The following CD8A variants were observed in gnomAD, a reference collection of about 807,000 sequenced individuals.
CD8A encodes CD8 subunit alpha.
In CD8A, 25 loss-of-function variants were observed where a neutral mutation model predicts 24.2. The ratio of observed to expected loss-of-function variants is 1.03; its 90% CI spans 0.75 to 1.44. The LOEUF is 1.44. Ranked by LOEUF, CD8A falls within the 40% of genes most tolerant of loss-of-function variation. The pLI, the probability that CD8A is intolerant of heterozygous loss-of-function variation, is 0.00. For missense variants in CD8A, 360 were observed against 319.7 expected, an observed-to-expected ratio of 1.13 and a Z score of -0.96; for synonymous variants, 165 against 149.9, an observed-to-expected ratio of 1.10 and a Z score of -0.74.
intron 4 of CD8A, among the ~76,000 whole-genome samples, chr2:86,788,811 C>T (rs1226381388): frequency 6.6e-6 from 1 of 152,138 alleles, no homozygotes; most frequent in African/African-American, 2.4e-5. Context: ...CTTATCCATC[C>T]TTCGTCTCAA....
In CD8A at chr2:86,801,289, CCCTT is replaced by C. The variant is rs200910826; in HGVS notation, c.-271+218_-271+221del. Among the ~76,000 whole-genome samples the C allele has an allele frequency of 4.4e-3, 658 of 150,764 alleles. 4 individuals are homozygous for C. Among genetic ancestry groups the C allele is most frequent in the African/African-American group, 0.015 (610 of 41,188 alleles). ...TGTCTCCCTCCCTCCCTGCCTCCCT[CCCTT>C]CCTTCCTTCCTTCCCTCCTTCCCGC... On this transcript the variant is annotated intron_variant, in intron 3 of 8. Coordinates refer to the CD8A transcript ENST00000409511.
Position 86,785,867 on chromosome 2 carries a change from C to T in CD8A, c.*53G>A, listed in dbSNP as rs1672977523. On this transcript the variant is annotated 3_prime_UTR_variant, in exon 6 of 6. Coordinates refer to ENST00000283635, the MANE Select transcript of CD8A (RefSeq NM_001768.7). ...AAAAAATGAAAGGGAAGGACTTGCT[C>T]CCTCAAAAGGAAGGATCTCAGTTTG... 7.8e-7 allele frequency: 1 copy of T among 1,281,948 alleles called. No homozygotes were observed. The highest frequency in any genetic ancestry group is 1.2e-5 in the South Asian group (1 of 84,524). 79.4% of individuals were successfully genotyped at this position (1,281,948 alleles called of 1,614,324 possible).
chr2:86,798,148 C>T (rs1240265813), intron 3 of CD8A, among the ~76,000 whole-genome samples: 1 of 151,408 alleles, frequency 6.6e-6, no homozygotes, highest in Non-Finnish European at 1.5e-5. Flanking sequence ...TGAAGTCTAC[C>T]TTTTATTCAT....
intron 1 of CD8A, 41 bp from the exon 2 acceptor site, chr2:86,790,722 G>GGC: frequency 3.4e-5 from 51 of 1,487,396 alleles, no homozygotes; most frequent in Non-Finnish European, 4.2e-5. Context: ...GCAGTCCCGC[G>GGC]CCCCCCGCCC....
chr2:86,802,774 C>T (rs1239117187), intron 2 of CD8A, among the ~76,000 whole-genome samples: 1 of 152,014 alleles, frequency 6.6e-6, no homozygotes, highest in African/African-American at 2.4e-5. Context: ...CCACACCCGA[C>T]TAATTTTTGT....
Position 86,798,394 on chromosome 2 carries a change from C to T in CD8A, c.-271+3117G>A, listed in dbSNP as rs1472311896. On this transcript the variant is annotated intron_variant, in intron 3 of 8. Coordinates refer to the CD8A transcript ENST00000409511. ...TTCTCCATGTTGGTCAGGCTGGTCT[C>T]GAACTCCCAACCTCAGGTGATCCAC... Among the ~76,000 whole-genome samples, 7 of 152,204 alleles carry T rather than the reference C, an allele frequency of 4.6e-5. No homozygotes were observed. The East Asian group carries it at 7.7e-4, about 17-fold the overall frequency.
chr2:86,789,694 A>G lies in CD8A; in HGVS notation c.460T>C (p.Ser154Pro). 1 of 1,408,872 alleles carries G rather than the reference A, an allele frequency of 7.1e-7. No homozygotes were observed. The highest frequency in any genetic ancestry group is 9.2e-7 in the Non-Finnish European group (1 of 1,086,804). 87.3% of individuals were successfully genotyped at this position (1,408,872 alleles called of 1,614,324 possible). ...TCTGGGCGCAGGGACAGGGGCTGCG[A>G]CGCGATGGTGGGCGCCGGTGTTGGT... ...RPPTPAPTIA[S>P]QPLSLRPEAC... Residue 154 changes from serine to proline, a missense_variant, in exon 3 of 6, where the codon TCG becomes CCG. Coordinates refer to ENST00000283635, the MANE Select transcript of CD8A (RefSeq NM_001768.7).
chr2:86,789,277 C>T (rs1199022437), intron 4 of CD8A, 46 bp downstream of exon 4: 3 of 1,249,406 alleles, frequency 2.4e-6, no homozygotes, highest in African/African-American at 2.9e-5. Context: ...GAGCCAAGGG[C>T]AGGAGCGGGG....
intron 3 of CD8A, among the ~76,000 whole-genome samples, chr2:86,796,798 T>C (rs559090597): frequency 6.6e-5 from 10 of 152,342 alleles, no homozygotes; most frequent in Admixed American, 1.3e-4. Context: ...AGATCACTTA[T>C]TATGAACAAT....
chr2:86,801,324 TTC>T (rs1442619403), intron 3 of CD8A, among the ~76,000 whole-genome samples: 1 of 150,584 alleles, frequency 6.6e-6, no homozygotes, highest in African/African-American at 2.4e-5. Flanking sequence ...CCCGCTCTCT[TTC>T]TCTCTCTCTT....
At chr2:86,803,487 T>C (rs1360596185) in intron 2 of CD8A, among the ~76,000 whole-genome samples, 1 of 152,224 alleles carries the variant, frequency 6.6e-6, no homozygotes, top group Non-Finnish European at 1.5e-5. Context: ...GAGGACATTA[T>C]GCTAAATGAA....
At chr2:86,801,352 TTC>T (rs375570069) in intron 3 of CD8A, among the ~76,000 whole-genome samples, 46 of 148,300 alleles carry the variant, frequency 3.1e-4, no homozygotes, top group Admixed American at 6.0e-4. Context: ...CTTTCTCCCT[TTC>T]TCTCTCTCTC....
Position 86,785,604 on chromosome 2 carries a change from T to C in CD8A, c.*316A>G. 1.7e-6 allele frequency: 1 copy of C among 581,728 alleles called. No individual in the cohort carries two copies. Among genetic ancestry groups the C allele is most frequent in the Non-Finnish European group, 3.2e-6 (1 of 308,970 alleles). 36.0% of individuals were successfully genotyped at this position (581,728 alleles called of 1,614,324 possible). ...AAAACGGGCGGGGAAGAGGTTGAGA[T>C]GGCATGGGTGCCTCCAGCTCTCTCA... On this transcript the variant is annotated 3_prime_UTR_variant, in exon 6 of 6. Transcript: ENST00000283635.
rs1573460340 is a variant in CD8A at position 86,789,737 on chromosome 2, C to G, written c.417G>C (p.Thr139=). 7.3e-7 allele frequency: 1 copy of G among 1,363,066 alleles called. No homozygotes were observed. Among genetic ancestry groups the G allele is most frequent in the Non-Finnish European group, 9.4e-7 (1 of 1,065,672 alleles). The allele number at this position is 1,363,066 out of a possible 1,614,324, so 84.4% of individuals were successfully genotyped here. A position where few individuals can be genotyped will look rare whatever the true frequency, so the allele number is the denominator to read the frequency against. Residue 139 remains threonine, a synonymous_variant, in exon 3 of 6, where the codon ACG becomes ACC. Coordinates refer to ENST00000283635, the MANE Select transcript of CD8A (RefSeq NM_001768.7). ...GTGTTGGTGGTCGCGGCGCTGGCGT[C>G]GTGGTGGGCTTCGCTGCAAGAGCAA... The part of the protein sequence containing the change: ...VPVFLPAKPT[T]TPAPRPPTPA...
chr2:86,798,756 C>A (rs1673566100), intron 3 of CD8A, among the ~76,000 whole-genome samples: 1 of 151,008 alleles, frequency 6.6e-6, no homozygotes, highest in Admixed American at 6.6e-5. Flanking sequence ...CTCCTGACCT[C>A]AGGCAATCTG....
At chr2:86,791,789 A>C (rs1673321838), upstream of CD8A, 9 of 399,302 alleles carry the variant, frequency 2.3e-5, no homozygotes, top group South Asian at 7.4e-5. Flanking sequence ...CACAGGCTTG[A>C]AGTCATTCAA....
intron 2 of CD8A, among the ~76,000 whole-genome samples, chr2:86,802,315 G>A (rs1021625279): frequency 5.3e-5 from 8 of 152,174 alleles, no homozygotes; most frequent in Admixed American, 2.6e-4. Flanking sequence ...TGGGATTACA[G>A]GTGTGAGCCA....
At chr2:86,792,792 G>A (rs1490207192), upstream of CD8A, among the ~76,000 whole-genome samples, 1 of 151,326 alleles carries the variant, frequency 6.6e-6, no homozygotes, top group East Asian at 1.9e-4. Flanking sequence ...CACCATATCA[G>A]GGCCTGGATG....
At position 86,785,457 on chromosome 2, in the gene CD8A, C is replaced by G. The variant is rs1204459782; in HGVS notation, c.*463G>C. On this transcript the variant is annotated 3_prime_UTR_variant, in exon 6 of 6. Transcript: ENST00000283635. ...AGACAGGGGCCTCGGAAAGAAAGAC[C>G]TGAATGGTGTGGAGGAAAGAGCCCT... 6.6e-6 allele frequency: 3 copies of G among 455,980 alleles called. No individual in the cohort carries two copies. Among genetic ancestry groups the G allele is most frequent in the African/African-American group, 6.0e-5 (3 of 50,064 alleles). 28.2% of individuals were successfully genotyped at this position (455,980 alleles called of 1,614,324 possible). A position where few individuals can be genotyped will look rare whatever the true frequency, so the allele number is the denominator to read the frequency against.
Sources: allele counts gnomAD v4.1 joint callset (sites outside exome capture counted in the v4.1 genomes callset), GRCh38; gene constraint gnomAD v4.1.1; transcripts MANE v1.5; gene names NCBI Gene and HGNC (gene_info 2026-07-23, HGNC 2026-07-21).